Variants in TNIP3 observed in about 807,000 individuals in gnomAD.
TNIP3 encodes TNFAIP3 interacting protein 3.
Under a neutral mutation model 54.1 loss-of-function variants are expected in TNIP3, and 34 were observed. The ratio of observed to expected loss-of-function variants is 0.63; its 90% CI spans 0.48 to 0.84. TNIP3 has a LOEUF of 0.84. Ranked by LOEUF, TNIP3 falls within the 40% of genes least tolerant of loss-of-function variation. The probability of loss-of-function intolerance (pLI) is 0.00; values close to 1 mark genes in which losing one functional copy is unlikely to be tolerated. For missense variants in TNIP3, 366 were observed against 387.6 expected, an observed-to-expected ratio of 0.94 and a Z score of 0.47; for synonymous variants, 134 against 136.8, an observed-to-expected ratio of 0.98 and a Z score of 0.14.
At chr4:121,215,281 G>A (rs753828737) in intron 2 of TNIP3, among the ~76,000 whole-genome samples, 15 of 152,078 alleles carry the variant, frequency 9.9e-5, no homozygotes, top group Non-Finnish European at 1.9e-4. Flanking sequence ...CAGACACACA[G>A]GATCTCAGAA....
intron 2 of TNIP3, among the ~76,000 whole-genome samples, chr4:121,187,081 A>T (rs1036413883): frequency 1.2e-4 from 18 of 152,234 alleles, no homozygotes; most frequent in African/African-American, 4.3e-4. Context: ...GACAATTGAG[A>T]GGCAGAATTA....
intron 5 of TNIP3, among the ~76,000 whole-genome samples, chr4:121,152,129 CA>C (rs1729798047): frequency 6.6e-6 from 1 of 152,138 alleles, no homozygotes; most frequent in African/African-American, 2.4e-5. Context: ...TGACATATTA[CA>C]AATTTTTTCT....
intron 4 of TNIP3, among the ~76,000 whole-genome samples, chr4:121,155,287 T>A (rs1730017428): frequency 6.6e-6 from 1 of 152,116 alleles, no homozygotes; most frequent in South Asian, 2.1e-4. Flanking sequence ...GATAAGCAAG[T>A]CCTTATATAC....
intron 2 of TNIP3, among the ~76,000 whole-genome samples, chr4:121,213,599 C>G (rs147939637): frequency 2.0e-3 from 305 of 151,546 alleles, no homozygotes; most frequent in African/African-American, 6.9e-3. Flanking sequence ...TGGTGGCGGG[C>G]GCCTGTAGTC....
chr4:121,185,138 G>A (rs17051310), intron 2 of TNIP3, among the ~76,000 whole-genome samples: 8,937 of 152,248 alleles, frequency 0.059, 367 homozygotes, highest in South Asian at 0.21. Flanking sequence ...AACTCATCAC[G>A]ATCTACAAGT....
chr4:121,146,132 A>T (rs1325741962), intron 7 of TNIP3, among the ~76,000 whole-genome samples: 1 of 151,920 alleles, frequency 6.6e-6, no homozygotes, highest in Non-Finnish European at 1.5e-5. Context: ...CTACTATTTT[A>T]TTTTTTCTAA....
At chr4:121,205,213 T>C (rs1246292585) in intron 2 of TNIP3, among the ~76,000 whole-genome samples, 1 of 152,106 alleles carries the variant, frequency 6.6e-6, no homozygotes, top group Non-Finnish European at 1.5e-5. Flanking sequence ...AGGTGACAAT[T>C]GAGCAAGGAG....
intron 2 of TNIP3, among the ~76,000 whole-genome samples, chr4:121,191,255 G>A (rs34117851): frequency 0.095 from 14,454 of 152,160 alleles, 1,506 homozygotes; most frequent in African/African-American, 0.26. Context: ...ACAAGGCTGA[G>A]CCCCTATATT....
At chr4:121,183,983 C>A (rs1038017337) in intron 2 of TNIP3, among the ~76,000 whole-genome samples, 8 of 152,098 alleles carry the variant, frequency 5.3e-5, no homozygotes, top group Admixed American at 4.6e-4. Flanking sequence ...ACCCCCTGCC[C>A]CAGTCCATCG....
At chr4:121,179,528 G>A (rs912667765) in intron 3 of TNIP3, among the ~76,000 whole-genome samples, 1 of 152,178 alleles carries the variant, frequency 6.6e-6, no homozygotes, top group Non-Finnish European at 1.5e-5. Context: ...AATGATGTGT[G>A]CAAAGAGATC....
At chr4:121,197,692 A>G (rs2148837433) in intron 2 of TNIP3, among the ~76,000 whole-genome samples, 1 of 152,304 alleles carries the variant, frequency 6.6e-6, no homozygotes, top group Admixed American at 6.5e-5. Flanking sequence ...CTAAACATAA[A>G]CAAAAAACTG....
chr4:121,202,360 C>T (rs1240459595), intron 2 of TNIP3, among the ~76,000 whole-genome samples: 1 of 152,114 alleles, frequency 6.6e-6, no homozygotes, highest in Non-Finnish European at 1.5e-5. Flanking sequence ...TGGCTAGCCA[C>T]ATGTAGAAGA....
At chr4:121,174,273 C>G (rs1724170701) in intron 3 of TNIP3, among the ~76,000 whole-genome samples, 1 of 152,090 alleles carries the variant, frequency 6.6e-6, no homozygotes, top group South Asian at 2.1e-4. Context: ...GGCATGGTGG[C>G]TGACACCTAT....
rs1178045560 is a variant in TNIP3 at position 121,201,154 on chromosome 4, A to T, written c.68+15261T>A. On this transcript the variant is annotated intron_variant, in intron 2 of 12. Coordinates refer to the TNIP3 transcript ENST00000507879. Reference sequence around the variant, plus strand: ...TGGATGAGTAGGGGGCAGGAAAGAAAGTTTTGAGGTATGAGGAAAGTCCAG... The same window carrying T: ...TGGATGAGTAGGGGGCAGGAAAGAATGTTTTGAGGTATGAGGAAAGTCCAG... Among the ~76,000 whole-genome samples the T allele has an allele frequency of 2.0e-5, 3 of 152,156 alleles. No individual in the cohort carries two copies. The East Asian group carries it at 5.8e-4, about 29-fold the overall frequency.
intron 6 of TNIP3, among the ~76,000 whole-genome samples, chr4:121,149,383 G>A (rs930754879): frequency 1.3e-5 from 2 of 152,300 alleles, no homozygotes; most frequent in South Asian, 4.1e-4. Context: ...CTTATTGTGC[G>A]AAGGCCTAGA....
chr4:121,165,719 T>C (rs1052897100), upstream of TNIP3, among the ~76,000 whole-genome samples: 9 of 151,998 alleles, frequency 5.9e-5, no homozygotes, highest in Non-Finnish European at 1.3e-4. Flanking sequence ...TCTTGTTATG[T>C]TTGGGTCTAC....
chr4:121,203,764 A>T (rs1027974295), intron 2 of TNIP3, among the ~76,000 whole-genome samples: 48 of 152,002 alleles, frequency 3.2e-4, no homozygotes, highest in African/African-American at 1.1e-3. Flanking sequence ...ACAAGCAAAC[A>T]TTAGAGAACA....
chr4:121,198,577 GC>G, intron 2 of TNIP3, among the ~76,000 whole-genome samples: 1 of 152,252 alleles, frequency 6.6e-6, no homozygotes, highest in South Asian at 2.1e-4. Context: ...TTTTCATGGA[GC>G]TTACATTTCA....
chr4:121,204,862 G>T (rs1279296163), intron 2 of TNIP3, among the ~76,000 whole-genome samples: 4 of 152,140 alleles, frequency 2.6e-5, no homozygotes, highest in African/African-American at 9.7e-5. Context: ...ACTGAAGTCA[G>T]TCCTAGGTGT....
Sources: allele counts gnomAD v4.1 joint callset (sites outside exome capture counted in the v4.1 genomes callset), GRCh38; gene constraint gnomAD v4.1.1; transcripts MANE v1.5; gene names NCBI Gene and HGNC (gene_info 2026-07-23, HGNC 2026-07-21).